Variants in MYCBP2 observed in about 807,000 individuals in gnomAD.
MYCBP2 encodes the protein E3 ubiquitin-protein ligase MYCBP2.
A neutral mutation model predicts 525.3 loss-of-function variants in MYCBP2; 120 were observed. The ratio of observed to expected loss-of-function variants is 0.23; its 90% CI spans 0.20 to 0.27. MYCBP2 has a LOEUF of 0.27. Ranked by LOEUF, MYCBP2 falls within the 10% of genes least tolerant of loss-of-function variation. MYCBP2 has a pLI of 1.00. For synonymous variants in MYCBP2, 1,894 were observed against 1,955.8 expected, an observed-to-expected ratio of 0.97 and a Z score of 0.83; for missense variants, 4,149 against 5,657.1, an observed-to-expected ratio of 0.73 and a Z score of 8.55.
At chr13:77,311,911 G>C (rs1034423483) in intron 1 of MYCBP2, among the ~76,000 whole-genome samples, 1 of 152,032 alleles carries the variant, frequency 6.6e-6, no homozygotes, top group Non-Finnish European at 1.5e-5. Context: ...ACTCTTCAAA[G>C]AGGATAAACT....
At chr13:77,090,818 C>T (rs187194491) in intron 59 of MYCBP2, among the ~76,000 whole-genome samples, 4 of 152,110 alleles carry the variant, frequency 2.6e-5, no homozygotes, top group Admixed American at 2.0e-4. Flanking sequence ...TATTTACACT[C>T]TATAAAAGAA....
At chr13:77,212,875 T>C (rs1033891906) in intron 21 of MYCBP2, among the ~76,000 whole-genome samples, 7 of 152,162 alleles carry the variant, frequency 4.6e-5, no homozygotes, top group African/African-American at 1.4e-4. Context: ...AATGCTGACA[T>C]TGACTCAATA....
intron 1 of MYCBP2, among the ~76,000 whole-genome samples, chr13:77,321,591 T>A (rs1179792005): frequency 6.6e-6 from 1 of 152,206 alleles, no homozygotes; most frequent in Non-Finnish European, 1.5e-5. Context: ...CAGAATGAAT[T>A]CCACTACTGT....
Position 77,263,674 on chromosome 13 carries a change from A to G in MYCBP2, c.1547T>C (p.Leu516Pro). 6.2e-7 allele frequency: 1 copy of G among 1,612,570 alleles called. No individual in the cohort carries two copies. Residue 516 changes from leucine to proline, a missense_variant, in exon 10 of 83, where the codon CTG (leucine) becomes CCG (proline). By Grantham distance (98) the Leu-to-Pro change is moderately conservative (BLOSUM62 -3). Transcript: ENST00000544440. ...LHACGISLFD[L>P]EKDLHIISTG... ...ACTTATAATATGCAAGTCCTTTTCCAGATCGAATAGTGAGATACCACAGGC... is the reference window on the plus strand; with the variant it reads ...ACTTATAATATGCAAGTCCTTTTCCGGATCGAATAGTGAGATACCACAGGC...
At chr13:77,200,748 T>A (rs1158370729) in intron 26 of MYCBP2, among the ~76,000 whole-genome samples, 18 of 152,188 alleles carry the variant, frequency 1.2e-4, no homozygotes, top group South Asian at 4.2e-4. Context: ...CAACATTCTT[T>A]AAGAAAAGAA....
chr13:77,306,777 C>T (rs911706591), intron 1 of MYCBP2, among the ~76,000 whole-genome samples: 1 of 152,068 alleles, frequency 6.6e-6, no homozygotes, highest in African/African-American at 2.4e-5. Flanking sequence ...GGAATGAGAG[C>T]AAGCAAATAA....
At chr13:77,256,139 C>G (rs2154334140) in intron 14 of MYCBP2, among the ~76,000 whole-genome samples, 1 of 152,150 alleles carries the variant, frequency 6.6e-6, no homozygotes. Context: ...ACAATTTAGT[C>G]TTTTCTTGGT....
chr13:77,172,042 A>G (rs2059193204), intron 37 of MYCBP2, among the ~76,000 whole-genome samples: 1 of 152,072 alleles, frequency 6.6e-6, no homozygotes, highest in African/African-American at 2.4e-5. Flanking sequence ...CTGGGATTAT[A>G]GGCATGCACC....
At position 77,191,714 on chromosome 13, in the gene MYCBP2, T is replaced by A; in HGVS notation, c.4035A>T (p.Gly1345=). The change falls in exon 28 of 83, where the codon GGA becomes GGT. Residue 1345 remains glycine, a synonymous_variant. Transcript: ENST00000544440. ...ARVSGPSSDC[G]SHGQASITTD... ...TGGTAATAGATGCCTGTCCATGAGA[T>A]CCACAGTCACTGCTGGGTCCTGACA... 2 of 1,614,072 alleles carry A rather than the reference T, an allele frequency of 1.2e-6. No individual in the cohort carries two copies. The highest frequency in any genetic ancestry group is 2.2e-5 in the East Asian group (1 of 44,878).
chr13:77,126,650 A>C (rs1473370832), intron 52 of MYCBP2, 108 bp from the exon 53 acceptor site: 3 of 712,956 alleles, frequency 4.2e-6, no homozygotes, highest in Non-Finnish European at 6.7e-6. Flanking sequence ...TGTCAATATA[A>C]AAAAAACACA....
chr13:77,192,015 A>C (rs2061343529), intron 27 of MYCBP2, among the ~76,000 whole-genome samples: 2 of 152,222 alleles, frequency 1.3e-5, no homozygotes, highest in African/African-American at 4.8e-5. Flanking sequence ...ATAGAATTAC[A>C]TTTCTTCCTC....
intron 58 of MYCBP2, among the ~76,000 whole-genome samples, chr13:77,093,883 C>T (rs1403399588): frequency 2.0e-5 from 3 of 151,958 alleles, no homozygotes; most frequent in Admixed American, 1.3e-4. Flanking sequence ...GAAGGGGTGC[C>T]CATTCCCCAG....
intron 42 of MYCBP2, among the ~76,000 whole-genome samples, chr13:77,164,983 T>G (rs1237487547): frequency 6.6e-6 from 1 of 152,194 alleles, no homozygotes; most frequent in Non-Finnish European, 1.5e-5. Context: ...AACAGACCAC[T>G]GCACATAAAC....
At chr13:77,303,570 A>G (rs1251498316) in intron 1 of MYCBP2, among the ~76,000 whole-genome samples, 1 of 152,214 alleles carries the variant, frequency 6.6e-6, no homozygotes, top group East Asian at 1.9e-4. Flanking sequence ...ACAAACAACT[A>G]AGAAATTCCC....
chr13:77,142,395 G>A (rs1594869406), intron 49 of MYCBP2, among the ~76,000 whole-genome samples: 1 of 152,186 alleles, frequency 6.6e-6, no homozygotes, highest in East Asian at 1.9e-4. Context: ...AAAGGCTGCT[G>A]GTGAAGGTCT....
intron 15 of MYCBP2, among the ~76,000 whole-genome samples, chr13:77,249,720 G>A (rs905762779): frequency 2.6e-5 from 4 of 152,038 alleles, no homozygotes; most frequent in African/African-American, 9.7e-5. Context: ...TGGAAATAGC[G>A]TTGGAGAGAT....
At chr13:77,311,033 G>A (rs1241078673) in intron 1 of MYCBP2, among the ~76,000 whole-genome samples, 1 of 152,114 alleles carries the variant, frequency 6.6e-6, no homozygotes, top group East Asian at 1.9e-4. Context: ...GTCAAAACTT[G>A]GAAAAGTGAT....
At chr13:77,306,739 T>A (rs148429310) in intron 1 of MYCBP2, among the ~76,000 whole-genome samples, 1 of 152,112 alleles carries the variant, frequency 6.6e-6, no homozygotes, top group Non-Finnish European at 1.5e-5. Context: ...TACAATCTAT[T>A]CATCCCAGGC....
At chr13:77,298,793 T>TAAAGAG (rs1318640519) in intron 1 of MYCBP2, among the ~76,000 whole-genome samples, 8 of 152,200 alleles carry the variant, frequency 5.3e-5, no homozygotes, top group South Asian at 4.1e-4. Context: ...GCCATAAAAG[T>TAAAGAG]AAAGAGAAAG....
Sources: allele counts gnomAD v4.1 joint callset (sites outside exome capture counted in the v4.1 genomes callset), GRCh38; gene constraint gnomAD v4.1.1; transcripts MANE v1.5; gene names NCBI Gene and HGNC (gene_info 2026-07-23, HGNC 2026-07-21).